NTM: variants seen among roughly 807,000 people sequenced by gnomAD.
NTM encodes neurotrimin.
A neutral mutation model predicts 42.1 loss-of-function variants in NTM; 13 were observed. That is an observed-to-expected ratio of 0.31 (90% CI 0.20 to 0.49). The LOEUF (loss-of-function observed/expected upper bound fraction) is 0.49, where lower values mean the gene tolerates loss of function less well. Ranked by LOEUF, NTM falls within the 20% of genes least tolerant of loss-of-function variation. NTM has a pLI of 0.99. For missense variants in NTM, 373 were observed against 452.8 expected (o/e 0.82, Z 1.60); for synonymous variants, 187 against 179.2 (o/e 1.04, Z -0.35).
intron 2 of NTM, among the ~76,000 whole-genome samples, chr11:131,987,897 G>C (rs1011632942): frequency 6.6e-6 from 1 of 152,218 alleles, no homozygotes; most frequent in African/African-American, 2.4e-5. Flanking sequence ...TGCTGGAAAC[G>C]CAGAGATGAC....
chr11:131,712,440 A>G (rs2077271424), intron 1 of NTM, among the ~76,000 whole-genome samples: 1 of 152,132 alleles, frequency 6.6e-6, no homozygotes, highest in South Asian at 2.1e-4. Flanking sequence ...TACACTAGAG[A>G]TAAATAGTAA....
intron 4 of NTM, among the ~76,000 whole-genome samples, chr11:132,282,976 C>CTTTTTTTTTTTTTTTT (rs142817071): frequency 0.01 from 1,141 of 108,774 alleles, 79 homozygotes; most frequent in East Asian, 0.018. Flanking sequence ...TCCTTTATTC[C>CTTTTTTTTTTTTTTTT]TTTTTTTTTT....
intron 1 of NTM, among the ~76,000 whole-genome samples, chr11:131,496,574 C>T (rs982891812): frequency 6.6e-6 from 1 of 152,236 alleles, no homozygotes; most frequent in African/African-American, 2.4e-5. Flanking sequence ...GGTCCACCAG[C>T]AGCTCTGGGA....
intron 1 of NTM, among the ~76,000 whole-genome samples, chr11:131,468,227 C>G (rs1952081310): frequency 1.3e-5 from 2 of 152,206 alleles, no homozygotes; most frequent in South Asian, 4.1e-4. Flanking sequence ...CTCAGGCCAC[C>G]TAATGAGAGG....
intron 1 of NTM, among the ~76,000 whole-genome samples, chr11:131,621,235 A>T (rs2062501128): frequency 6.6e-6 from 1 of 152,164 alleles, no homozygotes; most frequent in African/African-American, 2.4e-5. Context: ...TGTTTACACT[A>T]CCCAGCTAGG....
chr11:131,871,337 T>C (rs1312156635), intron 1 of NTM, among the ~76,000 whole-genome samples: 2 of 152,228 alleles, frequency 1.3e-5, no homozygotes, highest in Non-Finnish European at 2.9e-5. Context: ...GCTATTCTGC[T>C]TCATATATAT....
At chr11:131,598,766 T>TTTCTTTCTTTC (rs1555161451) in intron 1 of NTM, among the ~76,000 whole-genome samples, 1 of 33,930 alleles carries the variant, frequency 2.9e-5, no homozygotes, top group African/African-American at 8.3e-5. Context: ...TTCTTTCTTT[T>TTTCTTTCTTTC]TTTCTTTCTT....
chr11:131,983,170 CAGT>C (rs1257176378), intron 2 of NTM, among the ~76,000 whole-genome samples: 3 of 151,874 alleles, frequency 2.0e-5, no homozygotes, highest in East Asian at 3.9e-4. Flanking sequence ...ATCTTGACCT[CAGT>C]AGATCCCATT....
At chr11:131,527,943 G>C (rs1244402285) in intron 1 of NTM, among the ~76,000 whole-genome samples, 1 of 152,176 alleles carries the variant, frequency 6.6e-6, no homozygotes, top group South Asian at 2.1e-4. Context: ...TCTGAAATCT[G>C]AAATGTTCCA....
At chr11:131,508,974 A>G (rs547072452) in intron 1 of NTM, among the ~76,000 whole-genome samples, 6 of 151,826 alleles carry the variant, frequency 4.0e-5, no homozygotes, top group Middle Eastern at 3.4e-3. Context: ...AACATGGCAC[A>G]TGTATACATA....
chr11:131,790,280 C>T (rs1157818695), intron 1 of NTM, among the ~76,000 whole-genome samples: 2 of 151,982 alleles, frequency 1.3e-5, no homozygotes, highest in Non-Finnish European at 2.9e-5. Context: ...TGCTCTATTC[C>T]AGGATAGACT....
At chr11:131,460,049 G>A (rs554046609) in intron 1 of NTM, among the ~76,000 whole-genome samples, 4 of 152,276 alleles carry the variant, frequency 2.6e-5, no homozygotes, top group Admixed American at 1.3e-4. Flanking sequence ...ATGATGTGTC[G>A]TTAGTGTGTG....
intron 1 of NTM, among the ~76,000 whole-genome samples, chr11:131,449,084 G>A (rs1415779606): frequency 2.6e-5 from 4 of 152,210 alleles, no homozygotes; most frequent in Non-Finnish European, 4.4e-5. Context: ...CCCAGGGAAG[G>A]GGAAGAAGGG....
chr11:132,148,665 C>A (rs1303405058), intron 3 of NTM, among the ~76,000 whole-genome samples: 2 of 152,102 alleles, frequency 1.3e-5, no homozygotes, highest in East Asian at 1.9e-4. Context: ...TCACACACAC[C>A]CCCACACCCC....
intron 1 of NTM, among the ~76,000 whole-genome samples, chr11:131,576,197 T>C (rs761847935): frequency 1.3e-5 from 2 of 152,154 alleles, no homozygotes; most frequent in Non-Finnish European, 2.9e-5. Context: ...CCTGAAGTAA[T>C]ATGGCTTTGC....
intron 1 of NTM, among the ~76,000 whole-genome samples, chr11:131,480,429 A>AC (rs35619186): frequency 2.5e-4 from 38 of 151,700 alleles, no homozygotes; most frequent in African/African-American, 7.0e-4. Flanking sequence ...CATCATACAG[A>AC]CCCCCCACCT....
At chr11:131,874,810 G>T (rs2048328674) in intron 1 of NTM, among the ~76,000 whole-genome samples, 1 of 152,192 alleles carries the variant, frequency 6.6e-6, no homozygotes, top group African/African-American at 2.4e-5. Context: ...CCAGGAAAAG[G>T]ATCATAATAC....
chr11:132,001,731 C>G (rs960981312), intron 2 of NTM, among the ~76,000 whole-genome samples: 1 of 151,970 alleles, frequency 6.6e-6, no homozygotes, highest in African/African-American at 2.4e-5. Flanking sequence ...TAAGATTTGG[C>G]AGGGACATGT....
chr11:131,617,863 C>T (rs2062102535), intron 1 of NTM, among the ~76,000 whole-genome samples: 1 of 152,100 alleles, frequency 6.6e-6, no homozygotes. Context: ...TGAATCTAGA[C>T]CAGAAGGCAG....
Sources: gnomAD v4.1 joint callset for allele counts (sites outside exome capture counted in the v4.1 genomes callset) on GRCh38, gnomAD v4.1.1 for gene constraint, MANE v1.5 for transcripts, NCBI Gene and HGNC (gene_info 2026-07-23, HGNC 2026-07-21) for gene names.